ZNF407: variants seen among roughly 807,000 people sequenced by gnomAD.
ZNF407 encodes the protein zinc finger protein 407.
In ZNF407, 17 loss-of-function variants were observed where a neutral mutation model predicts 131.2. The observed-to-expected ratio is 0.13, with a 90% CI of 0.09 to 0.19. The LOEUF is 0.19. Among genes scored for constraint, ZNF407 ranks in the 10% least tolerant of loss-of-function variants. ZNF407 has a pLI of 1.00. For synonymous variants in ZNF407, 1,156 were observed against 1,062.0 expected (o/e 1.09, Z -1.72); for missense variants, 2,681 against 2,830.6 (o/e 0.95, Z 1.20).
At chr18:74,999,506 A>G (rs186336841) in intron 8 of ZNF407, among the ~76,000 whole-genome samples, 184 of 152,334 alleles carry the variant, frequency 1.2e-3, no homozygotes, top group African/African-American at 4.3e-3. Flanking sequence ...ATGGCAGAAC[A>G]TATTTCTGAG....
At chr18:74,806,656 A>T (rs1448090639) in intron 4 of ZNF407, among the ~76,000 whole-genome samples, 2 of 152,266 alleles carry the variant, frequency 1.3e-5, no homozygotes, top group Non-Finnish European at 2.9e-5. Flanking sequence ...GATGATTAAG[A>T]TCCAGTACCT....
In ZNF407 at chr18:74,724,000, C is replaced by T. The variant is rs544380583; in HGVS notation, c.4803-57428C>T. ...ACTTCGTACCAGAAATGGAAAGTCT[C>T]TAGTATATTTATTAAAAATAGTTCT... On this transcript the variant is annotated intron_variant, in intron 3 of 8. Coordinates refer to ENST00000299687, the MANE Select transcript of ZNF407 (RefSeq NM_017757.3). 4.6e-5 allele frequency among the ~76,000 whole-genome samples: 7 copies of T among 151,932 alleles called. No homozygotes were observed. In the East Asian group the frequency reaches 1.4e-3, roughly 29 times the overall value.
chr18:74,616,473 G>C (rs1249534848), intron 1 of ZNF407, among the ~76,000 whole-genome samples: 2 of 151,900 alleles, frequency 1.3e-5, no homozygotes, highest in Non-Finnish European at 2.9e-5. Flanking sequence ...TGACCCTTCT[G>C]ACAGTTTCTA....
At chr18:75,036,978 A>G (rs923000401) in intron 8 of ZNF407, among the ~76,000 whole-genome samples, 14 of 152,226 alleles carry the variant, frequency 9.2e-5, no homozygotes, top group Non-Finnish European at 2.1e-4. Flanking sequence ...TGTCTTTGGC[A>G]GCGTCGAGCT....
intron 8 of ZNF407, among the ~76,000 whole-genome samples, chr18:74,958,627 G>A (rs1413028308): frequency 6.6e-6 from 1 of 151,936 alleles, no homozygotes; most frequent in East Asian, 1.9e-4. Context: ...AAGCTATGCA[G>A]GCAGAGGGTG....
chr18:74,635,531 T>C lies in ZNF407; in HGVS notation c.4512T>C (p.His1504=). The change falls in exon 2 of 9, where the codon CAT becomes CAC. Residue 1504 remains histidine, a synonymous_variant. Transcript: ENST00000299687. This position sits in a 1 kb window ranked among gnomAD's most constrained non-coding sequence, Gnocchi z 4.7. ...PFDSEQNLFL[H]IKGQHEELLR... is the part of the protein sequence containing the mutation. ...ATTCTGAACAGAATTTATTTTTACATATTAAAGGACAGCATGAGGAATTGC... is the reference window on the plus strand; with the variant it reads ...ATTCTGAACAGAATTTATTTTTACACATTAAAGGACAGCATGAGGAATTGC... The C allele has an allele frequency of 6.2e-7, 1 of 1,613,216 alleles. No individual in the cohort carries two copies. The highest frequency in any genetic ancestry group is 8.5e-7 in the Non-Finnish European group (1 of 1,179,486).
At chr18:74,745,850 G>T (rs1040438476) in intron 3 of ZNF407, among the ~76,000 whole-genome samples, 1 of 152,158 alleles carries the variant, frequency 6.6e-6, no homozygotes, top group African/African-American at 2.4e-5. Context: ...TGCCTCATAC[G>T]AGGAGTCTGT....
At chr18:74,653,602 A>C (rs1044753574) in intron 3 of ZNF407, among the ~76,000 whole-genome samples, 1 of 151,868 alleles carries the variant, frequency 6.6e-6, no homozygotes, top group Non-Finnish European at 1.5e-5. Flanking sequence ...AATATATTTA[A>C]CATGTATCGA....
intron 8 of ZNF407, among the ~76,000 whole-genome samples, chr18:74,942,061 C>T (rs1480086592): frequency 6.6e-6 from 1 of 151,676 alleles, no homozygotes; most frequent in African/African-American, 2.4e-5. Context: ...GGATTAACTG[C>T]CATGCCCTCA....
intron 3 of ZNF407, among the ~76,000 whole-genome samples, chr18:74,676,451 T>TG (rs1986365527): frequency 6.7e-6 from 1 of 150,232 alleles, no homozygotes; most frequent in Non-Finnish European, 1.5e-5. Flanking sequence ...TTTTTTTTTT[T>TG]TTTGAGACGG....
intron 1 of ZNF407, among the ~76,000 whole-genome samples, chr18:74,601,678 A>G (rs978170112): frequency 1.6e-4 from 24 of 152,090 alleles, no homozygotes; most frequent in Admixed American, 6.5e-5. Context: ...GGGAGGTGCT[A>G]TGCACTTTTA....
At chr18:74,905,314 G>A (rs1279831098) in intron 7 of ZNF407, 1 of 152,260 alleles carries the variant, frequency 6.6e-6, no homozygotes, top group Non-Finnish European at 1.5e-5. Flanking sequence ...GATTGGGTCT[G>A]AAAGGCTGGC....
At chr18:74,753,344 C>G (rs1254554335) in intron 3 of ZNF407, among the ~76,000 whole-genome samples, 1 of 152,142 alleles carries the variant, frequency 6.6e-6, no homozygotes, top group Non-Finnish European at 1.5e-5. Flanking sequence ...ATTGAATATC[C>G]TTTATTTCTT....
chr18:74,734,309 T>G (rs1968360557), intron 3 of ZNF407, among the ~76,000 whole-genome samples: 3 of 152,174 alleles, frequency 2.0e-5, no homozygotes, highest in African/African-American at 7.2e-5. Flanking sequence ...TGCACAATTG[T>G]GTAAGCACTT....
intron 8 of ZNF407, among the ~76,000 whole-genome samples, chr18:74,934,579 CG>C (rs1177811830): frequency 3.3e-5 from 5 of 152,170 alleles, no homozygotes; most frequent in Non-Finnish European, 7.4e-5. Flanking sequence ...GAGGCCAAGG[CG>C]GGTGGATCAC....
intron 8 of ZNF407, among the ~76,000 whole-genome samples, chr18:75,001,508 T>A (rs1972845208): frequency 1.3e-5 from 2 of 152,048 alleles, no homozygotes; most frequent in Non-Finnish European, 2.9e-5. Flanking sequence ...AAATGAAAAA[T>A]GCCAGTTGTT....
intron 1 of ZNF407, among the ~76,000 whole-genome samples, chr18:74,616,042 TA>T (rs1183222328): frequency 6.6e-6 from 1 of 152,194 alleles, no homozygotes; most frequent in Non-Finnish European, 1.5e-5. Flanking sequence ...ATTATAGTTT[TA>T]ATTGTTTACA....
At chr18:74,959,710 T>G (rs1332593958) in intron 8 of ZNF407, among the ~76,000 whole-genome samples, 1 of 152,222 alleles carries the variant, frequency 6.6e-6, no homozygotes, top group African/African-American at 2.4e-5. Flanking sequence ...CAGCACAGTT[T>G]GTAATTCCTG....
At chr18:74,870,929 T>G (rs1033798559) in intron 4 of ZNF407, among the ~76,000 whole-genome samples, 1 of 152,226 alleles carries the variant, frequency 6.6e-6, no homozygotes. Context: ...GGTTCTAGTG[T>G]CTGTGTTGTA....
Sources: gnomAD v4.1 joint callset for allele counts (sites outside exome capture counted in the v4.1 genomes callset) on GRCh38, gnomAD v4.1.1 for gene constraint, Gnocchi (gnomAD v3.1) non-coding constraint, MANE v1.5 for transcripts, NCBI Gene and HGNC (gene_info 2026-07-23, HGNC 2026-07-21) for gene names.